USP6NL: variants seen among roughly 807,000 people sequenced by gnomAD.
The protein encoded by USP6NL is USP6 N-terminal like.
In USP6NL, 26 loss-of-function variants were observed where a neutral mutation model predicts 61.9. The observed-to-expected ratio is 0.42, with a 90% CI of 0.31 to 0.58. USP6NL has a LOEUF of 0.58. Among genes scored for constraint, USP6NL ranks in the 20% least tolerant of loss-of-function variants. The pLI is 0.16. For missense variants in USP6NL, 1,114 were observed against 1,034.3 expected (o/e 1.08, Z -1.06); for synonymous variants, 432 against 390.1 (o/e 1.11, Z -1.27).
At chr10:11,512,997 CTG>C (rs1834791846) in intron 5 of USP6NL, among the ~76,000 whole-genome samples, 1 of 152,190 alleles carries the variant, frequency 6.6e-6, no homozygotes. Context: ...CACCTAACAC[CTG>C]TGTTCTAGTT....
intron 2 of USP6NL, among the ~76,000 whole-genome samples, chr10:11,552,920 A>G (rs1416631250): frequency 6.6e-6 from 1 of 152,036 alleles, no homozygotes; most frequent in Non-Finnish European, 1.5e-5. Context: ...TGTACCCATT[A>G]CCCCAATAAA....
chr10:11,592,941 A>ACTCCTC lies in USP6NL; in HGVS notation c.4+4689_4+4690insGAGGAG, dbSNP rs1215890992. Reference sequence around the variant, plus strand: ...CCTGCTCCAGTGAATGAAGGTCTTTACTCCTATACTATTAGAAAACCACAA... The same window carrying ACTCCTC: ...CCTGCTCCAGTGAATGAAGGTCTTTACTCCTCCTCCTATACTATTAGAAAACCACAA... On this transcript the variant is annotated intron_variant, in intron 2 of 14. Coordinates refer to ENST00000609104, the MANE Select transcript of USP6NL (RefSeq NM_014688.5). This position sits in a 1 kb window ranked among gnomAD's most constrained non-coding sequence, Gnocchi z 4.7. Among the ~76,000 whole-genome samples the ACTCCTC allele has an allele frequency of 1.3e-5, 2 of 152,214 alleles. No individual in the cohort carries two copies. The highest frequency in any genetic ancestry group is 2.9e-5 in the Non-Finnish European group (2 of 68,042).
Position 11,462,914 on chromosome 10 carries a change from C to T in USP6NL, c.2014G>A (p.Gly672Ser). Residue 672 changes from glycine (G) to serine (S), a missense_variant, in exon 15 of 15, where the codon GGT becomes AGT. Physicochemically the swap from Gly to Ser is moderately conservative, Grantham distance 56 (BLOSUM62 0). Transcript: ENST00000609104. The stretch of plus-strand genomic sequence containing the variant: ...GAAGCACTGACGGAAAGAGTAGAAC[C>T]ATGAGGTCTCCTGGAAGGATTCAGT... ...TQLNPSRRPH[G>S]STLSVSASPE... 6.2e-7 allele frequency: 1 copy of T among 1,613,518 alleles called. No individual in the cohort carries two copies.
intron 8 of USP6NL, among the ~76,000 whole-genome samples, chr10:11,492,375 TA>T (rs1472955022): frequency 6.6e-6 from 1 of 152,244 alleles, no homozygotes; most frequent in Non-Finnish European, 1.5e-5. Flanking sequence ...TAAAAATCCA[TA>T]ATCTGTTAAC....
chr10:11,527,329 G>GA (rs1386432513), intron 3 of USP6NL, among the ~76,000 whole-genome samples, 171 bp downstream of exon 3: 2 of 152,202 alleles, frequency 1.3e-5, no homozygotes, highest in African/African-American at 4.8e-5. Context: ...GACTGAAGTG[G>GA]AGAAAAGGAT....
chr10:11,530,407 AAATAT>A (rs1290094567), intron 2 of USP6NL, among the ~76,000 whole-genome samples: 4 of 152,236 alleles, frequency 2.6e-5, no homozygotes, highest in Non-Finnish European at 5.9e-5. Flanking sequence ...GCAAACTATA[AAATAT>A]AAAGCTTTAC....
intron 14 of USP6NL, among the ~76,000 whole-genome samples, chr10:11,479,800 C>T (rs1833123747): frequency 6.6e-6 from 1 of 152,114 alleles, no homozygotes; most frequent in Non-Finnish European, 1.5e-5. Context: ...TGGTCTCGGT[C>T]TCCTGACCTC....
Position 11,489,336 on chromosome 10 carries a change from G to T in USP6NL, c.544-114C>A. ...AAAATGCCTACACACATCATTTAAT[G>T]GTCCATTCTAGAGACAAATACTATA... On this transcript the variant is annotated intron_variant, in intron 9 of 14. Coordinates refer to ENST00000609104, the MANE Select transcript of USP6NL (RefSeq NM_014688.5). The surrounding 1 kb of genome is among the most constrained non-coding windows in gnomAD (Gnocchi z 5.7). 7.4e-7 allele frequency: 1 copy of T among 1,359,730 alleles called. No individual in the cohort carries two copies. The highest frequency in any genetic ancestry group is 1.0e-6 in the Non-Finnish European group (1 of 1,003,068). 84.2% of individuals were successfully genotyped at this position (1,359,730 alleles called of 1,614,324 possible).
intron 2 of USP6NL, among the ~76,000 whole-genome samples, chr10:11,580,949 C>A (rs951462063): frequency 1.3e-5 from 2 of 151,494 alleles, no homozygotes; most frequent in African/African-American, 4.9e-5. Context: ...CTTGTTTGGC[C>A]CTAAATATAA....
chr10:11,514,871 T>C lies in USP6NL; in HGVS notation c.195+3664A>G, dbSNP rs567039333. On this transcript the variant is annotated intron_variant, in intron 5 of 14. Coordinates refer to ENST00000609104, the MANE Select transcript of USP6NL (RefSeq NM_014688.5). ...AAGGAAAATAATGCAAAGGCCATCA[T>C]CTCCACCTCTACTCCCTCTGCTATC... 1.6e-4 allele frequency among the ~76,000 whole-genome samples: 24 copies of C among 152,318 alleles called. 1 individual carries two copies. In the South Asian group the frequency reaches 4.8e-3, roughly 30 times the overall value.
intron 2 of USP6NL, among the ~76,000 whole-genome samples, chr10:11,529,599 A>G (rs1835564418): frequency 6.6e-6 from 1 of 152,250 alleles, no homozygotes; most frequent in African/African-American, 2.4e-5. Context: ...ATGTGTGAAT[A>G]ACTAAACAGA....
Position 11,463,199 on chromosome 10 carries a change from G to C in USP6NL, c.1729C>G (p.Pro577Ala). Residue 577 changes from proline to alanine, a missense_variant, in exon 15 of 15, where the codon CCC (proline) becomes GCC (alanine). Physicochemically the swap from Pro to Ala is conservative, Grantham distance 27. Transcript: ENST00000609104. The surrounding 1 kb of genome is among the most constrained non-coding windows in gnomAD (Gnocchi z 6.3). The stretch of plus-strand genomic sequence containing the variant: ...CTAGGAGGGTAAAGGGCATGCCGGG[G>C]GCTCTGGGAGTAAGCCCTTTCCAGC... Reference protein sequence around the residue: ...EALERAYSQSPRHALYPPSPR... With the variant: ...EALERAYSQSARHALYPPSPR... The C allele has an allele frequency of 6.2e-7, 1 of 1,613,500 alleles. No homozygotes were observed. Among genetic ancestry groups the C allele is most frequent in the South Asian group, 1.1e-5 (1 of 91,086 alleles).
At chr10:11,546,714 T>C (rs538269894) in intron 2 of USP6NL, among the ~76,000 whole-genome samples, 5 of 152,314 alleles carry the variant, frequency 3.3e-5, no homozygotes, top group East Asian at 3.9e-4. Context: ...TTGCCTTCAG[T>C]TGGCTTTCTG....
chr10:11,510,620 T>C lies in USP6NL; in HGVS notation c.196-945A>G, dbSNP rs1038481020. ...TTCCAGGAGAAGGAATATTTTTTCC[T>C]AAGTACCTGGGCCCATGAGTAGTAA... On this transcript the variant is annotated intron_variant, in intron 5 of 14. Transcript: ENST00000609104. The surrounding 1 kb of genome is among the most constrained non-coding windows in gnomAD (Gnocchi z 4.8). Among the ~76,000 whole-genome samples, 5 of 147,760 alleles carry C rather than the reference T, an allele frequency of 3.4e-5. No individual in the cohort carries two copies. The highest frequency in any genetic ancestry group is 1.0e-4 in the African/African-American group (4 of 40,150).
Position 11,462,333 on chromosome 10 carries a change from A to G in USP6NL, c.*108T>C. On this transcript the variant is annotated 3_prime_UTR_variant, in exon 15 of 15. Coordinates refer to ENST00000609104, the MANE Select transcript of USP6NL (RefSeq NM_014688.5). ...TTCTTACTACTAACAGACAGGAGAG[A>G]TGTGCGAGTTGTTTACAATAGTATA... is the stretch of plus-strand genomic sequence containing the variant. 3 of 1,236,328 alleles carry G rather than the reference A, an allele frequency of 2.4e-6. No individual in the cohort carries two copies. The highest frequency in any genetic ancestry group is 3.3e-6 in the Non-Finnish European group (3 of 907,998). The allele number at this position is 1,236,328 out of a possible 1,614,324, so 76.6% of individuals were successfully genotyped here.
At chr10:11,577,553 T>C (rs532949511) in intron 2 of USP6NL, among the ~76,000 whole-genome samples, 6 of 152,168 alleles carry the variant, frequency 3.9e-5, no homozygotes, top group East Asian at 1.9e-4. Flanking sequence ...CAAGCCGGAG[T>C]GCAATGGCGC....
rs1268868788 is a variant in USP6NL, at chr10:11,501,142, C to T, written c.343G>A (p.Glu115Lys). 2.5e-6 allele frequency: 4 copies of T among 1,613,134 alleles called. No homozygotes were observed. Among genetic ancestry groups the T allele is most frequent in the Non-Finnish European group, 3.4e-6 (4 of 1,179,644 alleles). Residue 115 changes from glutamate (E) to lysine (K), a missense_variant, in exon 7 of 15, where the codon GAG becomes AAG. Coordinates refer to ENST00000609104, the MANE Select transcript of USP6NL (RefSeq NM_014688.5). ...GTTTCTTCTTTCATTTTAGGGATCT[C>T]AAGAAGGAGGGCCCAGACTTCACCT... The part of the protein sequence containing the change: ...LRGEVWALLL[E>K]IPKMKEETRD...
chr10:11,603,952 C>G (rs945230703), intron 1 of USP6NL, among the ~76,000 whole-genome samples: 4 of 152,088 alleles, frequency 2.6e-5, no homozygotes, highest in African/African-American at 9.7e-5. Flanking sequence ...GGACTATAAG[C>G]CTTGCAGGGA....
At chr10:11,580,832 T>C (rs1446380976) in intron 2 of USP6NL, among the ~76,000 whole-genome samples, 1 of 152,108 alleles carries the variant, frequency 6.6e-6, no homozygotes, top group East Asian at 1.9e-4. Flanking sequence ...GATGGATTGA[T>C]GGAGGAATGA....
Sources: allele counts gnomAD v4.1 joint callset (sites outside exome capture counted in the v4.1 genomes callset), GRCh38; gene constraint gnomAD v4.1.1; non-coding constraint Gnocchi (gnomAD v3.1); transcripts MANE v1.5; gene names NCBI Gene and HGNC (gene_info 2026-07-23, HGNC 2026-07-21).